Variants in TIAM1 observed in about 807,000 individuals in gnomAD.
TIAM1 encodes the protein TIAM Rac1 associated GEF 1.
A neutral mutation model predicts 163.5 loss-of-function variants in TIAM1; 65 were observed. The ratio of observed to expected loss-of-function variants is 0.40; its 90% CI spans 0.33 to 0.49. The LOEUF (loss-of-function observed/expected upper bound fraction) is 0.49, where lower values mean the gene tolerates loss of function less well. Ranked by LOEUF, TIAM1 falls within the 20% of genes least tolerant of loss-of-function variation. The pLI, the probability that TIAM1 is intolerant of heterozygous loss-of-function variation, is 0.77. For missense variants in TIAM1, 1,789 were observed against 2,044.7 expected (o/e 0.87, Z 2.41); for synonymous variants, 833 against 810.1 (o/e 1.03, Z -0.48).
intron 16 of TIAM1, 106 bp from the exon 17 acceptor site, chr21:31,154,532 C>CA (rs1167048284): frequency 8.6e-7 from 1 of 1,158,574 alleles, no homozygotes; most frequent in Non-Finnish European, 1.2e-6. Context: ...TCAACTGTCA[C>CA]ATATGAATGT....
At chr21:31,397,440 C>T (rs2077091826) in intron 2 of TIAM1, among the ~76,000 whole-genome samples, 2 of 152,084 alleles carry the variant, frequency 1.3e-5, no homozygotes, top group Non-Finnish European at 1.5e-5. Context: ...ATTTTAATTC[C>T]TTTGAAAAAA....
intron 9 of TIAM1, among the ~76,000 whole-genome samples, chr21:31,214,154 G>A (rs1272701697): frequency 6.6e-6 from 1 of 151,952 alleles, no homozygotes; most frequent in African/African-American, 2.4e-5. Context: ...GTGAGACCCT[G>A]TCTCTATAAA....
chr21:31,416,215 C>G (rs1340858758), intron 2 of TIAM1, among the ~76,000 whole-genome samples: 1 of 152,206 alleles, frequency 6.6e-6, no homozygotes. Context: ...ACCTTCAACA[C>G]TCCACCATTT....
intron 2 of TIAM1, among the ~76,000 whole-genome samples, chr21:31,417,366 G>A (rs845681): frequency 0.044 from 6,704 of 152,254 alleles, 196 homozygotes; most frequent in Non-Finnish European, 0.07. Flanking sequence ...TGGACTCATA[G>A]TTCCACATGG....
chr21:31,191,972 A>G (rs2085583562), intron 13 of TIAM1, among the ~76,000 whole-genome samples: 1 of 152,172 alleles, frequency 6.6e-6, no homozygotes, highest in Admixed American at 6.5e-5. Context: ...AAGAATAATC[A>G]TTATGGAGCA....
chr21:31,326,610 T>A (rs534203228), intron 2 of TIAM1, among the ~76,000 whole-genome samples: 1 of 152,330 alleles, frequency 6.6e-6, no homozygotes, highest in South Asian at 2.1e-4. Flanking sequence ...AAGTCCCTAG[T>A]ATCTCAGGGT....
At chr21:31,139,857 A>G (rs570845027) in intron 22 of TIAM1, among the ~76,000 whole-genome samples, 1 of 152,266 alleles carries the variant, frequency 6.6e-6, no homozygotes, top group African/African-American at 2.4e-5. Context: ...AGCCTGTGCG[A>G]TTCTTTGTAA....
chr21:31,450,639 C>A (rs1245745692), intron 2 of TIAM1, among the ~76,000 whole-genome samples: 1 of 152,098 alleles, frequency 6.6e-6, no homozygotes, highest in Non-Finnish European at 1.5e-5. Context: ...AAAGACATAC[C>A]CGAGACTGAG....
chr21:31,210,706 A>AAAAG (rs2086792254), intron 10 of TIAM1, among the ~76,000 whole-genome samples: 1 of 113,186 alleles, frequency 8.8e-6, no homozygotes, highest in African/African-American at 6.3e-5. Context: ...AGAAAGAAAG[A>AAAAG]GAAAGAAAGA....
intron 2 of TIAM1, among the ~76,000 whole-genome samples, chr21:31,379,003 G>C (rs867434539): frequency 1.3e-5 from 2 of 152,014 alleles, no homozygotes; most frequent in Non-Finnish European, 2.9e-5. Context: ...ATGGAGTCTC[G>C]CTCTGTCGCC....
At chr21:31,385,843 T>A (rs1250712514) in intron 2 of TIAM1, among the ~76,000 whole-genome samples, 1 of 146,688 alleles carries the variant, frequency 6.8e-6, no homozygotes, top group Admixed American at 6.9e-5. Flanking sequence ...ATTATATATT[T>A]ATATATAATA....
chr21:31,401,230 A>C (rs184251810), intron 2 of TIAM1, among the ~76,000 whole-genome samples: 34 of 152,336 alleles, frequency 2.2e-4, no homozygotes, highest in African/African-American at 7.9e-4. Context: ...TATTTTTTAA[A>C]CTAAATATTC....
intron 16 of TIAM1, among the ~76,000 whole-genome samples, chr21:31,161,261 T>A (rs1363626933): frequency 6.6e-6 from 1 of 152,178 alleles, no homozygotes; most frequent in Non-Finnish European, 1.5e-5. Context: ...CTGGAATGCA[T>A]GACACATGAC....
intron 2 of TIAM1, among the ~76,000 whole-genome samples, chr21:31,463,194 G>A (rs2045397731): frequency 6.6e-6 from 1 of 152,092 alleles, no homozygotes; most frequent in African/African-American, 2.4e-5. Flanking sequence ...TAAGCCTTTC[G>A]ACTCCAGCTT....
intron 2 of TIAM1, among the ~76,000 whole-genome samples, chr21:31,315,229 G>A (rs2075067142): frequency 1.3e-5 from 2 of 152,006 alleles, no homozygotes; most frequent in African/African-American, 4.8e-5. Flanking sequence ...AAGTAGCTGC[G>A]CATGGCCGGG....
chr21:31,401,846 G>T (rs1412380403), intron 2 of TIAM1, among the ~76,000 whole-genome samples: 1 of 151,758 alleles, frequency 6.6e-6, no homozygotes, highest in Non-Finnish European at 1.5e-5. Context: ...AGAAGTTCGA[G>T]GTTGCAGTTA....
At chr21:31,140,084 G>T (rs2082778034) in intron 22 of TIAM1, among the ~76,000 whole-genome samples, 1 of 152,040 alleles carries the variant, frequency 6.6e-6, no homozygotes, top group African/African-American at 2.4e-5. Context: ...ATTATGAGAG[G>T]TCATAATTTT....
At chr21:31,226,952 GTTTTTTTTT>G (rs35401090) in intron 6 of TIAM1, among the ~76,000 whole-genome samples, 4 of 112,598 alleles carry the variant, frequency 3.6e-5, no homozygotes, top group Non-Finnish European at 7.2e-5. Context: ...AAAATTCTGT[GTTTTTTTTT>G]TTTTTTTTTT....
chr21:31,190,676 T>A (rs1289035034), intron 13 of TIAM1, among the ~76,000 whole-genome samples: 1 of 152,184 alleles, frequency 6.6e-6, no homozygotes, highest in African/African-American at 2.4e-5. Flanking sequence ...GAGGGTCTCA[T>A]GCTTAGTCTA....
Sources: allele counts gnomAD v4.1 joint callset (sites outside exome capture counted in the v4.1 genomes callset), GRCh38; gene constraint gnomAD v4.1.1; transcripts MANE v1.5; gene names NCBI Gene and HGNC (gene_info 2026-07-23, HGNC 2026-07-21).